The following MAP3K10 variants were observed in gnomAD, a reference collection of about 807,000 sequenced individuals.
MAP3K10 encodes MKN28 derived nonreceptor_type serine/threonine kinase.
In MAP3K10, 22 loss-of-function variants were observed where a neutral mutation model predicts 75.0. The observed-to-expected ratio is 0.29, with a 90% CI of 0.21 to 0.42. The LOEUF (loss-of-function observed/expected upper bound fraction) is 0.42. Among genes scored for constraint, MAP3K10 ranks in the 10% least tolerant of loss-of-function variants. The pLI is 1.00. For missense variants in MAP3K10, 1,165 were observed against 1,379.8 expected, an observed-to-expected ratio of 0.84 and a Z score of 2.47; for synonymous variants, 599 against 612.9, an observed-to-expected ratio of 0.98 and a Z score of 0.34.
intron 5 of MAP3K10, among the ~76,000 whole-genome samples, chr19:40,208,363 T>TTTTTTTTTTTTTTTTTTTTTTTTTTA (rs1555756664): frequency 8.9e-6 from 1 of 111,892 alleles, no homozygotes; most frequent in Non-Finnish European, 1.8e-5. Context: ...TTTTTTTTTT[T>TTTTTTTTTTTTTTTTTTTTTTTTTTA]TTTTTTGTAT....
At chr19:40,214,536 C>T (rs1318699860) in intron 9 of MAP3K10, among the ~76,000 whole-genome samples, 1 of 152,232 alleles carries the variant, frequency 6.6e-6, no homozygotes, top group Non-Finnish European at 1.5e-5. Context: ...GGAGATGCGG[C>T]CATAGCAGTG....
chr19:40,206,709 C>T (rs1198424172), intron 5 of MAP3K10, among the ~76,000 whole-genome samples: 2 of 152,328 alleles, frequency 1.3e-5, no homozygotes, highest in East Asian at 3.9e-4. Flanking sequence ...CTCCAGACAA[C>T]CTCACACCAT....
rs141958629 is a variant in MAP3K10, at chr19:40,207,591, C to T, written c.1435+1434C>T. 1.2e-4 allele frequency among the ~76,000 whole-genome samples: 19 copies of T among 152,012 alleles called. No individual in the cohort carries two copies. The East Asian group carries it at 2.5e-3, about 20-fold the overall frequency. On this transcript the variant is annotated intron_variant, in intron 5 of 9. Coordinates refer to ENST00000253055, the MANE Select transcript of MAP3K10 (RefSeq NM_002446.4). ...TCTCTACTAAAACTACAAAATTAGC[C>T]GGGCGTGGTGGCGCATGCCTGTAAT... is the stretch of plus-strand genomic sequence containing the variant.
chr19:40,205,377 C>G lies in MAP3K10; in HGVS notation c.1188+81C>G, dbSNP rs1973100297. On this transcript the variant is annotated intron_variant, in intron 4 of 9. Coordinates refer to ENST00000253055, the MANE Select transcript of MAP3K10 (RefSeq NM_002446.4). The surrounding 1 kb of genome is among the most constrained non-coding windows in gnomAD (Gnocchi z 4.3). ...CTTGGGCTGCTCAGAGACTCCTCCC[C>G]TGAACCCCAGCCTTTGGGTCCATGC... 2 of 1,468,966 alleles carry G rather than the reference C, an allele frequency of 1.4e-6. No individual in the cohort carries two copies. The highest frequency in any genetic ancestry group is 2.3e-5 in the East Asian group (1 of 43,208). 91.0% of individuals were successfully genotyped at this position (1,468,966 alleles called of 1,614,324 possible).
At chr19:40,200,635 T>TC (rs1972998834) in intron 2 of MAP3K10, among the ~76,000 whole-genome samples, 2 of 149,424 alleles carry the variant, frequency 1.3e-5, no homozygotes, top group Non-Finnish European at 3.0e-5. Context: ...TTTTTTTTTT[T>TC]TGGGACAGAG....
rs61289931 is a variant in MAP3K10 at position 40,195,471 on chromosome 19, C to CTTTTTTTTTTTTTTT, written c.682+2781_682+2795dup. On this transcript the variant is annotated intron_variant, in intron 1 of 9. Transcript: ENST00000253055. Reference sequence around the variant, plus strand: ...GAGGTAACACTGAAGCCCGCCCGGCCTTTTTTTTTTTTTTTTTTTTTTTTT... The same window carrying CTTTTTTTTTTTTTTT: ...GAGGTAACACTGAAGCCCGCCCGGCCTTTTTTTTTTTTTTTTTTTTTTTTTTTTTTTTTTTTTTTT... Among the ~76,000 whole-genome samples the CTTTTTTTTTTTTTTT allele has an allele frequency of 1.0e-4, 5 of 48,660 alleles. 1 individual carries two copies. The highest frequency in any genetic ancestry group is 3.7e-4 in the Admixed American group (1 of 2,702). 31.9% of individuals were successfully genotyped at this position (48,660 alleles called of 152,430 possible).
rs1972947215 is a variant in MAP3K10, at chr19:40,198,215, G to A, written c.683-160G>A. Among the ~76,000 whole-genome samples the A allele has an allele frequency of 6.6e-6, 1 of 152,166 alleles. No individual in the cohort carries two copies. The highest frequency in any genetic ancestry group is 2.1e-4 in the South Asian group (1 of 4,824). On this transcript the variant is annotated intron_variant, in intron 1 of 9. Coordinates refer to ENST00000253055, the MANE Select transcript of MAP3K10 (RefSeq NM_002446.4). This position sits in a 1 kb window ranked among gnomAD's most constrained non-coding sequence, Gnocchi z 4.3. ...GACAGGGATTAGACCTGGGCGGAGG[G>A]GCTCATGGATGTTCCAGGCCAGGAA...
In MAP3K10 at chr19:40,214,002, T is replaced by TCCCCCCCCCCCCCCCCCCCCCCGC; in HGVS notation, c.2327_2328insCCCCCCCCCCCCCCCCCCGCCCCC (p.Pro778_Ser779insProProProProProProProPro). 5 of 1,493,668 alleles carry TCCCCCCCCCCCCCCCCCCCCCCGC rather than the reference T, an allele frequency of 3.3e-6. No individual in the cohort carries two copies. Among genetic ancestry groups the TCCCCCCCCCCCCCCCCCCCCCCGC allele is most frequent in the South Asian group, 2.5e-5 (2 of 81,548 alleles). 92.5% of individuals were successfully genotyped at this position (1,493,668 alleles called of 1,614,324 possible). On this transcript the variant is annotated inframe_insertion, in exon 9 of 10. Transcript: ENST00000253055. ...TGACGAGGCCGCACCGGCCGCGCCC[T>TCCCCCCCCCCCCCCCCCCCCCCGC]CCCCACCACCCTCCCCGCCCGCGCC...
In MAP3K10 at chr19:40,213,772, A is replaced by T. The variant is rs2145099809; in HGVS notation, c.2093A>T (p.Asp698Val). The T allele has an allele frequency of 1.7e-6, 2 of 1,176,472 alleles. No homozygotes were observed. The highest frequency in any genetic ancestry group is 4.9e-5 in the East Asian group (1 of 20,492). 72.9% of individuals were successfully genotyped at this position (1,176,472 alleles called of 1,614,324 possible). ...GACGTGGCCGAGGCGCGCGCGGCCG[A>T]CGGTGAGGAGCAGCGGCGCTGGCTC... is the stretch of plus-strand genomic sequence containing the variant. ...GADVAEARAADGEEQRRWLDG... is the reference protein window; with the variant it reads ...GADVAEARAAVGEEQRRWLDG... Residue 698 changes from aspartate (D) to valine (V), a missense_variant, in exon 9 of 10, where the codon GAC becomes GTC. Asp to Val is a radical substitution (Grantham distance 152, BLOSUM62 -3). This residue lies in a region of MAP3K10 where 590 missense variants were observed against 586.6 expected (regional missense o/e 1.01). Transcript: ENST00000253055. This position sits in a 1 kb window ranked among gnomAD's most constrained non-coding sequence, Gnocchi z 5.7.
Position 40,205,342 on chromosome 19 carries a change from G to A in MAP3K10, c.1188+46G>A. On this transcript the variant is annotated intron_variant, in intron 4 of 9. Coordinates refer to ENST00000253055, the MANE Select transcript of MAP3K10 (RefSeq NM_002446.4). The surrounding 1 kb of genome is among the most constrained non-coding windows in gnomAD (Gnocchi z 4.3). ...GGGAAAGATGGAGCAAGACCCCTGAGTTCTGATGCCTTGGGCTGCTCAGAG... is the reference window on the plus strand; with the variant it reads ...GGGAAAGATGGAGCAAGACCCCTGAATTCTGATGCCTTGGGCTGCTCAGAG... 1 of 1,601,076 alleles carries A rather than the reference G, an allele frequency of 6.2e-7. No individual in the cohort carries two copies. Among genetic ancestry groups the A allele is most frequent in the Non-Finnish European group, 8.5e-7 (1 of 1,170,214 alleles).
intron 5 of MAP3K10, among the ~76,000 whole-genome samples, chr19:40,208,203 G>C (rs186584153): frequency 6.6e-6 from 1 of 151,468 alleles, no homozygotes; most frequent in Non-Finnish European, 1.5e-5. Context: ...ATGGAGCCTC[G>C]CTCTGTCACC....
Position 40,205,353 on chromosome 19 carries a change from T to C in MAP3K10, c.1188+57T>C. The C allele has an allele frequency of 6.3e-7, 1 of 1,579,794 alleles. No homozygotes were observed. The highest frequency in any genetic ancestry group is 8.7e-7 in the Non-Finnish European group (1 of 1,153,764). ...AGCAAGACCCCTGAGTTCTGATGCC[T>C]TGGGCTGCTCAGAGACTCCTCCCCT... On this transcript the variant is annotated intron_variant, in intron 4 of 9. Coordinates refer to ENST00000253055, the MANE Select transcript of MAP3K10 (RefSeq NM_002446.4). This position sits in a 1 kb window ranked among gnomAD's most constrained non-coding sequence, Gnocchi z 4.3.
chr19:40,191,976 G>A lies in MAP3K10; in HGVS notation c.-56G>A. 2 of 1,250,748 alleles carry A rather than the reference G, an allele frequency of 1.6e-6. No individual in the cohort carries two copies. The highest frequency in any genetic ancestry group is 2.1e-6 in the Non-Finnish European group (2 of 948,622). The allele number at this position is 1,250,748 out of a possible 1,614,324, so 77.5% of individuals were successfully genotyped here. On this transcript the variant is annotated 5_prime_UTR_variant, in exon 1 of 10. Transcript: ENST00000253055. Reference sequence around the variant, plus strand: ...TCCCGGCCGCCGGGGCCCGCCCTCTGCATCCCGCGGGCAGCCTGTGTGAAG... The same window carrying A: ...TCCCGGCCGCCGGGGCCCGCCCTCTACATCCCGCGGGCAGCCTGTGTGAAG...
intron 1 of MAP3K10, among the ~76,000 whole-genome samples, chr19:40,195,148 G>A (rs1470097103): frequency 2.0e-5 from 3 of 152,144 alleles, no homozygotes; most frequent in Non-Finnish European, 4.4e-5. Flanking sequence ...CAGAAAGGCT[G>A]GCAGGAGCCA....
chr19:40,194,902 G>C (rs893236286), intron 1 of MAP3K10, among the ~76,000 whole-genome samples: 7 of 152,194 alleles, frequency 4.6e-5, no homozygotes, highest in Non-Finnish European at 1.0e-4. Flanking sequence ...GAGAGTATCA[G>C]GGGCTCTCAG....
intron 1 of MAP3K10, among the ~76,000 whole-genome samples, chr19:40,195,826 A>G (rs925732387): frequency 2.6e-5 from 4 of 152,136 alleles, no homozygotes; most frequent in African/African-American, 9.7e-5. Flanking sequence ...GGGCAGGATT[A>G]TCAATTGTGT....
In MAP3K10 at chr19:40,212,172, G is replaced by T. The variant is rs1913406740; in HGVS notation, c.1553-633G>T. Among the ~76,000 whole-genome samples the T allele has an allele frequency of 1.3e-5, 2 of 152,232 alleles. No homozygotes were observed. The highest frequency in any genetic ancestry group is 1.3e-4 in the Admixed American group (2 of 15,280). On this transcript the variant is annotated intron_variant, in intron 6 of 9. Transcript: ENST00000253055. The surrounding 1 kb of genome is among the most constrained non-coding windows in gnomAD (Gnocchi z 4.2). ...GTGAGATGATGGAGGCCAGGCCAGG[G>T]TGGGGGACTTGGAAGGGACAGATGT...
intron 6 of MAP3K10, among the ~76,000 whole-genome samples, chr19:40,211,418 A>G (rs1973238278): frequency 6.7e-6 from 1 of 148,888 alleles, no homozygotes; most frequent in Non-Finnish European, 1.5e-5. Flanking sequence ...CAGGATGTGC[A>G]GGTTTGTTAC....
In MAP3K10 at chr19:40,192,644, C is replaced by T; in HGVS notation, c.613C>T (p.Arg205Trp). The T allele has an allele frequency of 6.3e-7, 1 of 1,599,218 alleles. No homozygotes were observed. The highest frequency in any genetic ancestry group is 8.5e-7 in the Non-Finnish European group (1 of 1,172,690). The part of the protein sequence containing the change: ...VLVNWAVQVA[R>W]GMNYLHNDAP... The stretch of plus-strand genomic sequence containing the variant: ...GGTCAACTGGGCTGTGCAGGTGGCC[C>T]GGGGCATGAACTACCTACACAATGA... Residue 205 changes from arginine to tryptophan, a missense_variant, in exon 1 of 10, where the codon CGG becomes TGG. By Grantham distance (101) the Arg-to-Trp change is moderately radical. Transcript: ENST00000253055. This position sits in a 1 kb window ranked among gnomAD's most constrained non-coding sequence, Gnocchi z 7.1.
Sources: allele counts gnomAD v4.1 joint callset (sites outside exome capture counted in the v4.1 genomes callset), GRCh38; gene constraint gnomAD v4.1.1; regional missense constraint gnomAD v4.1.1; non-coding constraint Gnocchi (gnomAD v3.1); transcripts MANE v1.5; gene names NCBI Gene and HGNC (gene_info 2026-07-23, HGNC 2026-07-21).